UNC13C: variants seen among roughly 807,000 people sequenced by gnomAD.
UNC13C encodes unc-13 homolog C, also known as protein unc-13 homolog C.
A neutral mutation model predicts 245.4 loss-of-function variants in UNC13C; 174 were observed. That is an observed-to-expected ratio of 0.71 (90% CI 0.63 to 0.80). The LOEUF (loss-of-function observed/expected upper bound fraction) is 0.80. UNC13C is among the 30% of genes least tolerant of loss of function. UNC13C has a pLI of 0.00. For missense variants in UNC13C, 2,829 were observed against 2,602.9 expected (o/e 1.09, Z -1.89); for synonymous variants, 992 against 895.1 (o/e 1.11, Z -1.93).
chr15:54,582,890 C>A lies in UNC13C; in HGVS notation c.6106+14943C>A, dbSNP rs79061896. On this transcript the variant is annotated intron_variant, in intron 30 of 32. Transcript: ENST00000260323. ...CATTTATAAGTAATATAAATGTTGG[C>A]CATTTATATTACTTAAGTAATGTGC... Among the ~76,000 whole-genome samples, 1,048 of 152,062 alleles carry A rather than the reference C, an allele frequency of 6.9e-3. 6 individuals are homozygous for A. Among genetic ancestry groups the A allele is most frequent in the Non-Finnish European group, 8.3e-3 (563 of 67,992 alleles).
the UNC13C span, among the ~76,000 whole-genome samples, chr15:53,896,288 C>A: frequency 1.3e-5 from 2 of 152,054 alleles, no homozygotes; most frequent in African/African-American, 4.8e-5. Flanking sequence ...GTACCAAATA[C>A]AATTAAGTGA....
chr15:54,617,060 G>A (rs902224550), intron 30 of UNC13C, among the ~76,000 whole-genome samples: 1 of 151,992 alleles, frequency 6.6e-6, no homozygotes, highest in African/African-American at 2.4e-5. Flanking sequence ...AGTGTCATAG[G>A]CTATACCACC....
At chr15:54,549,606 G>T in intron 27 of UNC13C, 29 bp from the exon 28 acceptor site, 1 of 1,551,336 alleles carries the variant, frequency 6.4e-7, no homozygotes, top group Non-Finnish European at 8.8e-7. Context: ...TTAAGACTGA[G>T]TCTTCTCTCA....
Position 54,300,226 on chromosome 15 carries a change from T to G in UNC13C, c.4121T>G (p.Leu1374Trp). 6.2e-7 allele frequency: 1 copy of G among 1,600,184 alleles called. No individual in the cohort carries two copies. The highest frequency in any genetic ancestry group is 8.5e-7 in the Non-Finnish European group (1 of 1,172,742). ...TGCTTTTAGAATCTGTTCCATTACT[T>G]GACTGAAGTGAAATCTAATGGTGGA... ...TCLHENLFHYLTEVKSNGGVK... is the reference protein window; with the variant it reads ...TCLHENLFHYWTEVKSNGGVK... The change falls in exon 13 of 33, where the codon TTG becomes TGG. Residue 1374 changes from leucine to tryptophan, a missense_variant. Coordinates refer to ENST00000260323, the MANE Select transcript of UNC13C (RefSeq NM_001080534.3).
At chr15:54,066,953 A>G (rs1196833535) in intron 2 of UNC13C, among the ~76,000 whole-genome samples, 2 of 152,078 alleles carry the variant, frequency 1.3e-5, no homozygotes, top group African/African-American at 4.8e-5. Context: ...TTAATTTAGG[A>G]AGAATAGATT....
chr15:54,604,561 G>A (rs903001562), intron 30 of UNC13C, among the ~76,000 whole-genome samples: 2 of 152,134 alleles, frequency 1.3e-5, no homozygotes, highest in African/African-American at 4.8e-5. Context: ...TCCAGTAAAA[G>A]CTCCAATTCT....
chr15:54,008,170 A>G (rs200642097), intron 1 of UNC13C, among the ~76,000 whole-genome samples: 2 of 152,216 alleles, frequency 1.3e-5, no homozygotes, highest in Non-Finnish European at 2.9e-5. Context: ...AAAAATGAAT[A>G]TGTTAACATA....
Position 54,623,879 on chromosome 15 carries a change from G to A in UNC13C, c.6284G>A (p.Gly2095Glu). 1 of 1,613,168 alleles carries A rather than the reference G, an allele frequency of 6.2e-7. No homozygotes were observed. Among genetic ancestry groups the A allele is most frequent in the Non-Finnish European group, 8.5e-7 (1 of 1,179,480 alleles). Residue 2095 changes from glycine to glutamate, a missense_variant, in exon 32 of 33, where the codon GGA becomes GAA. Physicochemically the swap from Gly to Glu is moderately conservative, Grantham distance 98 (BLOSUM62 -2). Coordinates refer to ENST00000260323, the MANE Select transcript of UNC13C (RefSeq NM_001080534.3). ...GTTTGTATACTGGGACCCAACCTTG[G>A]AGACAAGAAGAGAAAACAAGGCACA... ...VEVCILGPNL[G>E]DKKRKQGTKT...
chr15:54,526,487 T>A (rs113713492), intron 25 of UNC13C, among the ~76,000 whole-genome samples: 6,788 of 152,158 alleles, frequency 0.045, 476 homozygotes, highest in African/African-American at 0.15. Context: ...ATCCCAGCAC[T>A]TTGGGAGGCT....
At chr15:54,072,780 C>G (rs1372639453) in intron 2 of UNC13C, among the ~76,000 whole-genome samples, 1 of 152,138 alleles carries the variant, frequency 6.6e-6, no homozygotes, top group Non-Finnish European at 1.5e-5. Flanking sequence ...CATTTTACTA[C>G]TTGTAGGTAT....
At chr15:53,925,955 A>G in the UNC13C span, among the ~76,000 whole-genome samples, 1 of 152,212 alleles carries the variant, frequency 6.6e-6, no homozygotes, top group Non-Finnish European at 1.5e-5. Context: ...GTTCCCTTGA[A>G]GAGCAACCAC....
chr15:54,604,508 C>T (rs138167464), intron 30 of UNC13C, among the ~76,000 whole-genome samples: 1 of 152,070 alleles, frequency 6.6e-6, no homozygotes, highest in African/African-American at 2.4e-5. Flanking sequence ...ATCACTGATA[C>T]CTCTTTCCTC....
chr15:54,264,102 C>G, intron 8 of UNC13C, 66 bp from the exon 9 acceptor site: 1 of 1,474,600 alleles, frequency 6.8e-7, no homozygotes, highest in Non-Finnish European at 9.3e-7. Flanking sequence ...TCCTTTTCCT[C>G]CCTCCTTTAG....
intron 2 of UNC13C, among the ~76,000 whole-genome samples, chr15:54,063,819 G>A (rs1183185070): frequency 6.6e-6 from 1 of 152,130 alleles, no homozygotes; most frequent in Admixed American, 6.6e-5. Flanking sequence ...CTTCAAGGTG[G>A]GAGACACAGC....
chr15:53,847,877 G>T, the UNC13C span, among the ~76,000 whole-genome samples: 1 of 152,144 alleles, frequency 6.6e-6, no homozygotes, highest in South Asian at 2.1e-4. Context: ...GGATGAATTT[G>T]AACCTCTGGT....
intron 2 of UNC13C, among the ~76,000 whole-genome samples, chr15:54,133,948 C>T (rs1211630545): frequency 6.6e-6 from 1 of 151,978 alleles, no homozygotes. Flanking sequence ...AATAAATTAG[C>T]TATTTCAAGG....
chr15:54,247,240 G>A lies in UNC13C; in HGVS notation c.3229-2985G>A, dbSNP rs920414719. ...TGCTTCCATCAATAGCAAATTTTGG[G>A]GTTTCCCCTTATTTTCCCCTGCCAT... On this transcript the variant is annotated intron_variant, in intron 7 of 32. Transcript: ENST00000260323. Among the ~76,000 whole-genome samples the A allele has an allele frequency of 4.6e-5, 7 of 152,048 alleles. No individual in the cohort carries two copies. The East Asian group carries it at 1.4e-3, about 29-fold the overall frequency.
At chr15:54,403,790 T>C (rs2040237988) in intron 18 of UNC13C, among the ~76,000 whole-genome samples, 1 of 150,032 alleles carries the variant, frequency 6.7e-6, no homozygotes, top group Non-Finnish European at 1.5e-5. Flanking sequence ...AAATTAAGTA[T>C]ATACTTAAAT....
chr15:54,230,800 C>G (rs1481654898), intron 4 of UNC13C, among the ~76,000 whole-genome samples: 1 of 151,986 alleles, frequency 6.6e-6, no homozygotes, highest in Admixed American at 6.5e-5. Flanking sequence ...TGTTAATTAA[C>G]TTGATTTAAT....
Sources: gnomAD v4.1 joint callset for allele counts (sites outside exome capture counted in the v4.1 genomes callset) on GRCh38, gnomAD v4.1.1 for gene constraint, MANE v1.5 for transcripts, NCBI Gene and HGNC (gene_info 2026-07-23, HGNC 2026-07-21) for gene names.